The following COX18 variants were observed in gnomAD, a reference collection of about 807,000 sequenced individuals.
COX18 encodes the protein cytochrome c oxidase assembly factor COX18.
In COX18, 45 loss-of-function variants were observed where a neutral mutation model predicts 38.0. The ratio of observed to expected loss-of-function variants is 1.18; its 90% CI spans 0.93 to 1.52. The LOEUF (loss-of-function observed/expected upper bound fraction) is 1.52. Ranked by LOEUF, COX18 falls within the 40% of genes most tolerant of loss-of-function variation. The probability of loss-of-function intolerance (pLI) is 0.00; values close to 1 mark genes in which losing one functional copy is unlikely to be tolerated. For missense variants in COX18, 462 were observed against 423.8 expected (o/e 1.09, Z -0.79); for synonymous variants, 177 against 169.8 (o/e 1.04, Z -0.33).
rs775857810 is a variant in COX18, at chr4:73,069,639, C to T, written c.11G>A (p.Arg4Gln). 65 of 1,549,412 alleles carry T rather than the reference C, an allele frequency of 4.2e-5. 1 individual carries two copies. The South Asian group carries it at 7.0e-4, about 17-fold the overall frequency. ...CGGCCGCAGCCACCGACCGCCGAGC[C>T]GGCACAGCATTTCTGCACCACGGCG... is the stretch of plus-strand genomic sequence containing the variant. MLC[R>Q]LGGRWLRPLP... The change falls in exon 1 of 6, where the codon CGG (arginine) becomes CAG (glutamine). Residue 4 changes from arginine (R) to glutamine (Q), a missense_variant. Transcript: ENST00000507544.
intron 5 of COX18, among the ~76,000 whole-genome samples, 196 bp from the exon 6 acceptor site, chr4:73,058,483 TAAAG>T (rs1720002564): frequency 1.3e-5 from 2 of 150,978 alleles, no homozygotes; most frequent in South Asian, 4.2e-4. Context: ...AAAGCAAAAA[TAAAG>T]GAAAAAGAGA....
chr4:73,069,690 C>G lies in COX18; in HGVS notation c.-41G>C, dbSNP rs770318815. 2.6e-6 allele frequency: 4 copies of G among 1,525,704 alleles called. No individual in the cohort carries two copies. In the South Asian group the frequency reaches 3.6e-5, roughly 14 times the overall value. The allele number at this position is 1,525,704 out of a possible 1,614,324, so 94.5% of individuals were successfully genotyped here. On this transcript the variant is annotated 5_prime_UTR_variant, in exon 1 of 6. Coordinates refer to ENST00000507544, the MANE Select transcript of COX18 (RefSeq NM_001297732.2). ...GAGCCCAGATCCCGGGCCTCACAATCCAGCGGACATACACCGGCCAGCCAA... is the reference window on the plus strand; with the variant it reads ...GAGCCCAGATCCCGGGCCTCACAATGCAGCGGACATACACCGGCCAGCCAA...
intron 2 of COX18, among the ~76,000 whole-genome samples, chr4:73,067,619 ATCACCTGAGG>A (rs749754768): frequency 6.6e-6 from 1 of 151,652 alleles, no homozygotes; most frequent in Non-Finnish European, 1.5e-5. Flanking sequence ...AGGAGGGTGG[ATCACCTGAGG>A]TCAGGATTCC....
In COX18 at chr4:73,069,405, C is replaced by G; in HGVS notation, c.245G>C (p.Trp82Ser). 2 of 1,568,702 alleles carry G rather than the reference C, an allele frequency of 1.3e-6. No individual in the cohort carries two copies. Among genetic ancestry groups the G allele is most frequent in the Non-Finnish European group, 1.7e-6 (2 of 1,157,748 alleles). Residue 82 changes from tryptophan to serine, a missense_variant, in exon 1 of 6, where the codon TGG becomes TCG. Coordinates refer to ENST00000507544, the MANE Select transcript of COX18 (RefSeq NM_001297732.2). Reference protein sequence around the residue: ...LGVHAATGLPWWGSILLSTVA... With the variant: ...LGVHAATGLPSWGSILLSTVA... The stretch of plus-strand genomic sequence containing the variant: ...GGTGGAGAGCAGAATGCTGCCCCAC[C>G]AGGGCAGGCCCGTGGCGGCGTGCAC...
In COX18 at chr4:73,069,656, A is replaced by C; in HGVS notation, c.-7T>G. On this transcript the variant is annotated 5_prime_UTR_variant, in exon 1 of 6. Coordinates refer to ENST00000507544, the MANE Select transcript of COX18 (RefSeq NM_001297732.2). ...CGCCGAGCCGGCACAGCATTTCTGC[A>C]CCACGGCGGAGCCCAGATCCCGGGC... 6.5e-7 allele frequency: 1 copy of C among 1,544,730 alleles called. No individual in the cohort carries two copies. Among genetic ancestry groups the C allele is most frequent in the Non-Finnish European group, 8.7e-7 (1 of 1,150,598 alleles).
At position 73,064,867 on chromosome 4, in the gene COX18, C is replaced by T; in HGVS notation, c.634G>A (p.Gly212Arg). 1 of 1,613,838 alleles carries T rather than the reference C, an allele frequency of 6.2e-7. No homozygotes were observed. Among genetic ancestry groups the T allele is most frequent in the Non-Finnish European group, 8.5e-7 (1 of 1,179,846 alleles). ...FSVQEQLATG[G>R]ILWFPDLTAP... Reference sequence around the variant, plus strand: ...GTGAGGTCAGGAAACCACAGAATTCCACCAGTAGCTAACTGTTCCTGAACA... The same window carrying T: ...GTGAGGTCAGGAAACCACAGAATTCTACCAGTAGCTAACTGTTCCTGAACA... Residue 212 changes from glycine (G) to arginine (R), a missense_variant, in exon 4 of 6, where the codon GGA becomes AGA. By Grantham distance (125) the Gly-to-Arg change is moderately radical (BLOSUM62 -2). Transcript: ENST00000507544.
At chr4:73,064,431 G>A (rs113151491) in intron 4 of COX18, among the ~76,000 whole-genome samples, 1 of 152,122 alleles carries the variant, frequency 6.6e-6, no homozygotes, top group Non-Finnish European at 1.5e-5. Flanking sequence ...ACACACACAC[G>A]GAACATCACT....
intron 2 of COX18, among the ~76,000 whole-genome samples, chr4:73,066,980 A>G: frequency 6.6e-6 from 1 of 152,140 alleles, no homozygotes; most frequent in East Asian, 1.9e-4. Context: ...AAGGAGAATA[A>G]TTTTTCGCAG....
At chr4:73,064,655 A>G (rs1720338150) in intron 4 of COX18, 123 bp downstream of exon 4, 5 of 1,134,756 alleles carry the variant, frequency 4.4e-6, no homozygotes, top group South Asian at 4.3e-5. Context: ...ACCAGGAACC[A>G]AGGGATCTCA....
At chr4:73,067,884 T>TATATATATA (rs1289365401) in intron 2 of COX18, 145 bp downstream of exon 2, 2 of 109,670 alleles carry the variant, frequency 1.8e-5, no homozygotes, top group Non-Finnish European at 3.3e-5. Flanking sequence ...TATATATATA[T>TATATATATA]AAAAAAAGAA....
In COX18 at chr4:73,055,390, T is replaced by C. The variant is rs1422151745; in HGVS notation, c.*2724A>G. 6.6e-6 allele frequency: 1 copy of C among 152,260 alleles called. No homozygotes were observed. The highest frequency in any genetic ancestry group is 1.5e-5 in the Non-Finnish European group (1 of 68,046). 9.4% of individuals were successfully genotyped at this position (152,260 alleles called of 1,614,324 possible). A position where few individuals can be genotyped will look rare whatever the true frequency, so the allele number is the denominator to read the frequency against. On this transcript the variant is annotated 3_prime_UTR_variant, in exon 6 of 6. Coordinates refer to ENST00000507544, the MANE Select transcript of COX18 (RefSeq NM_001297732.2). ...TAGAAAACATACAGGGTTAGGTTTC[T>C]GCAAGCTTTGTTTTTGTCAACAGAA...
intron 2 of COX18, among the ~76,000 whole-genome samples, chr4:73,067,230 A>G (rs914448501): frequency 6.6e-6 from 1 of 152,232 alleles, no homozygotes; most frequent in African/African-American, 2.4e-5. Context: ...CCTGTAGGCT[A>G]TTACCTGCTG....
intron 3 of COX18, 117 bp from the exon 4 acceptor site, chr4:73,065,019 G>T: frequency 9.4e-7 from 1 of 1,068,776 alleles, no homozygotes; most frequent in Non-Finnish European, 1.3e-6. Flanking sequence ...GGAAAGATCT[G>T]CACTGGATTT....
chr4:73,069,231 G>A (rs1187651340), intron 1 of COX18, 86 bp downstream of exon 1: 2 of 978,008 alleles, frequency 2.0e-6, no homozygotes, highest in Non-Finnish European at 3.0e-6. Flanking sequence ...GCAACATCGT[G>A]CGATCGAAAA....
rs1043385055 is a variant in COX18 at position 73,057,540 on chromosome 4, T to G, written c.*574A>C. The G allele has an allele frequency of 1.3e-5, 2 of 152,320 alleles. No homozygotes were observed. The highest frequency in any genetic ancestry group is 4.8e-5 in the African/African-American group (2 of 41,464). The allele number at this position is 152,320 out of a possible 1,614,324, so 9.4% of individuals were successfully genotyped here. ...AGTAGCTAACCCTATTCTCCAAAGT[T>G]CTGGTAGCTCTAACAAACTGTAACT... On this transcript the variant is annotated 3_prime_UTR_variant, in exon 6 of 6. Coordinates refer to ENST00000507544, the MANE Select transcript of COX18 (RefSeq NM_001297732.2).
At chr4:73,066,875 T>C (rs1410692075) in intron 2 of COX18, among the ~76,000 whole-genome samples, 2 of 152,246 alleles carry the variant, frequency 1.3e-5, no homozygotes, top group African/African-American at 4.8e-5. Context: ...GTATTAAAGA[T>C]AGTTGGGAAA....
rs892800008 is a variant in COX18, at chr4:73,053,997, T to A, written c.*4117A>T. The A allele has an allele frequency of 1.3e-5, 2 of 152,192 alleles. No homozygotes were observed. The highest frequency in any genetic ancestry group is 2.4e-5 in the African/African-American group (1 of 41,442). 9.4% of individuals were successfully genotyped at this position (152,192 alleles called of 1,614,324 possible). Reference sequence around the variant, plus strand: ...TTCCTGACTCTTGAAATGAGAAGCATTCATTAAGACAGTGAATCTGGCCTA... The same window carrying A: ...TTCCTGACTCTTGAAATGAGAAGCAATCATTAAGACAGTGAATCTGGCCTA... On this transcript the variant is annotated 3_prime_UTR_variant, in exon 6 of 6. Transcript: ENST00000507544.
chr4:73,067,392 G>GT (rs1268018421), intron 2 of COX18, among the ~76,000 whole-genome samples: 1 of 152,064 alleles, frequency 6.6e-6, no homozygotes, highest in African/African-American at 2.4e-5. Flanking sequence ...ATAACAGTTA[G>GT]TTCACTGACA....
Position 73,052,424 on chromosome 4 carries a change from C to T in COX18, c.*5690G>A, listed in dbSNP as rs549375749. On this transcript the variant is annotated 3_prime_UTR_variant, in exon 6 of 6. Coordinates refer to ENST00000507544, the MANE Select transcript of COX18 (RefSeq NM_001297732.2). ...TATATTCTTATTTTAGTTGTATACA[C>T]AGTACAGAACCACAGCGTTCCAGAA... The T allele has an allele frequency of 2.9e-4, 44 of 152,028 alleles. No individual in the cohort carries two copies. The highest frequency in any genetic ancestry group is 8.9e-4 in the African/African-American group (37 of 41,502). The allele number at this position is 152,028 out of a possible 1,614,324, so 9.4% of individuals were successfully genotyped here.
Sources: allele counts gnomAD v4.1 joint callset (sites outside exome capture counted in the v4.1 genomes callset), GRCh38; gene constraint gnomAD v4.1.1; transcripts MANE v1.5; gene names NCBI Gene and HGNC (gene_info 2026-07-23, HGNC 2026-07-21).